Variants in FRAS1 observed in about 807,000 individuals in gnomAD.
FRAS1 encodes extracellular matrix organizing protein FRAS1.
In FRAS1, 290 loss-of-function variants were observed where a neutral mutation model predicts 435.2. The ratio of observed to expected loss-of-function variants is 0.67; its 90% CI spans 0.61 to 0.73. The LOEUF is 0.73. Ranked by LOEUF, FRAS1 falls within the 30% of genes least tolerant of loss-of-function variation. The pLI, the probability that FRAS1 is intolerant of heterozygous loss-of-function variation, is 0.00. For synonymous variants in FRAS1, 1,800 were observed against 1,851.0 expected (o/e 0.97, Z 0.71); for missense variants, 4,860 against 5,001.5 (o/e 0.97, Z 0.85).
At chr4:78,489,968 C>CAAAAAAAAAAAAAAAAAAAAAAA (rs61568957) in intron 59 of FRAS1, among the ~76,000 whole-genome samples, 5 of 92,608 alleles carry the variant, frequency 5.4e-5, no homozygotes, top group Non-Finnish European at 8.2e-5. Flanking sequence ...TAGTGGAAAA[C>CAAAAAAAAAAAAAAAAAAAAAAA]AAAAAAAAAA....
rs1560626572 is a variant in FRAS1, at chr4:78,284,397, GAT to G, written c.1256-7_1256-6del. 6.2e-7 allele frequency: 1 copy of G among 1,613,724 alleles called. No homozygotes were observed. The highest frequency in any genetic ancestry group is 1.7e-5 in the Admixed American group (1 of 60,012). Reference sequence around the variant, plus strand: ...CAGAGTTCTCCCCTTCTTTGTCCTTGATTTCAGTTCATTGCCATCCAGATTGT... The same window carrying G: ...CAGAGTTCTCCCCTTCTTTGTCCTTGTTCAGTTCATTGCCATCCAGATTGT... On this transcript the variant is annotated splice_region_variant and splice_polypyrimidine_tract_variant and intron_variant, in intron 12 of 73. Coordinates refer to ENST00000512123, the MANE Select transcript of FRAS1 (RefSeq NM_025074.7).
At chr4:78,214,761 G>C (rs1419424802) in intron 2 of FRAS1, among the ~76,000 whole-genome samples, 1 of 151,964 alleles carries the variant, frequency 6.6e-6, no homozygotes. Flanking sequence ...GCTTTACCTG[G>C]CTGTTGCTGG....
At chr4:78,337,540 C>A in intron 19 of FRAS1, 134 bp from the exon 20 acceptor site, 2 of 1,058,354 alleles carry the variant, frequency 1.9e-6, no homozygotes, top group Non-Finnish European at 2.8e-6. Flanking sequence ...GTGTGCCCGG[C>A]TTGCTCAGGA....
chr4:78,434,889 A>G (rs1734355508), intron 38 of FRAS1, among the ~76,000 whole-genome samples: 1 of 152,226 alleles, frequency 6.6e-6, no homozygotes, highest in Non-Finnish European at 1.5e-5. Context: ...TTTAAAACGT[A>G]TTAAATAAAT....
intron 2 of FRAS1, among the ~76,000 whole-genome samples, chr4:78,101,546 C>G (rs1275864126): frequency 2.0e-5 from 3 of 152,002 alleles, no homozygotes; most frequent in Non-Finnish European, 4.4e-5. Flanking sequence ...CATTTTTCAT[C>G]CAAAGCATTT....
intron 2 of FRAS1, among the ~76,000 whole-genome samples, chr4:78,138,544 C>T (rs551889321): frequency 5.3e-4 from 80 of 152,276 alleles, no homozygotes; most frequent in African/African-American, 1.7e-3. Flanking sequence ...ATAATAGCGA[C>T]GGCTTTTCCA....
chr4:78,199,448 G>A (rs1198659171), intron 2 of FRAS1, among the ~76,000 whole-genome samples: 2 of 152,146 alleles, frequency 1.3e-5, no homozygotes, highest in Non-Finnish European at 2.9e-5. Flanking sequence ...CTATTTTTAT[G>A]AGAAAGAAAT....
At chr4:78,452,849 A>G (rs1719067027) in intron 47 of FRAS1, among the ~76,000 whole-genome samples, 1 of 151,128 alleles carries the variant, frequency 6.6e-6, no homozygotes, top group Non-Finnish European at 1.5e-5. Context: ...GCACATAACC[A>G]TAACTCAGGG....
At chr4:78,398,029 G>A (rs936755499) in intron 29 of FRAS1, among the ~76,000 whole-genome samples, 2 of 152,242 alleles carry the variant, frequency 1.3e-5, no homozygotes, top group Non-Finnish European at 2.9e-5. Flanking sequence ...TTCTGTGAAG[G>A]TATTGTCATC....
chr4:78,518,454 T>TA (rs1560423230), intron 66 of FRAS1, among the ~76,000 whole-genome samples: 73 of 100,862 alleles, frequency 7.2e-4, no homozygotes, highest in African/African-American at 2.9e-3. Context: ...ATATATATAT[T>TA]TATTTATTTA....
chr4:78,503,404 C>T (rs1720737362), intron 61 of FRAS1, among the ~76,000 whole-genome samples: 1 of 152,106 alleles, frequency 6.6e-6, no homozygotes, highest in African/African-American at 2.4e-5. Context: ...TGTTATTGGT[C>T]TGTTCAGAGA....
At chr4:78,310,116 G>T (rs1728957594) in intron 15 of FRAS1, among the ~76,000 whole-genome samples, 1 of 152,204 alleles carries the variant, frequency 6.6e-6, no homozygotes, top group African/African-American at 2.4e-5. Flanking sequence ...CTTTTGTGTG[G>T]ATTCAGGAGA....
chr4:78,119,382 G>A (rs1034998327), intron 2 of FRAS1, among the ~76,000 whole-genome samples: 2 of 151,918 alleles, frequency 1.3e-5, no homozygotes, highest in African/African-American at 4.8e-5. Context: ...TCCTACTTTT[G>A]ACTTCTATGA....
intron 2 of FRAS1, among the ~76,000 whole-genome samples, chr4:78,118,339 C>G (rs971316730): frequency 3.3e-5 from 5 of 152,118 alleles, no homozygotes; most frequent in Admixed American, 3.3e-4. Context: ...CTGGGAGAAC[C>G]ACTGCTCTCC....
intron 2 of FRAS1, among the ~76,000 whole-genome samples, chr4:78,221,295 C>T (rs1724041850): frequency 6.6e-6 from 1 of 151,788 alleles, no homozygotes; most frequent in Non-Finnish European, 1.5e-5. Flanking sequence ...GATTTTTTTC[C>T]TCCTCTGTAA....
intron 27 of FRAS1, among the ~76,000 whole-genome samples, chr4:78,383,662 T>C (rs1170135758): frequency 6.6e-6 from 1 of 152,302 alleles, no homozygotes; most frequent in Admixed American, 6.5e-5. Context: ...GAGCATTTGT[T>C]GGGAAGAGGG....
At chr4:78,536,085 TTAAG>T (rs1430733945) in intron 71 of FRAS1, among the ~76,000 whole-genome samples, 1 of 152,076 alleles carries the variant, frequency 6.6e-6, no homozygotes, top group Non-Finnish European at 1.5e-5. Context: ...CTTGGGAGGA[TTAAG>T]TAAGTTAGTT....
Position 78,407,827 on chromosome 4 carries a change from T to A in FRAS1, c.4294T>A (p.Ser1432Thr). 2 of 1,601,352 alleles carry A rather than the reference T, an allele frequency of 1.2e-6. No individual in the cohort carries two copies. Among genetic ancestry groups the A allele is most frequent in the South Asian group, 1.1e-5 (1 of 88,520 alleles). ...CTCAGGAGCCCCAGCCCAGAGCGAC[T>A]CCTTCCGCTTCGAGGTACCCTCTGC... ...RHSGAPAQSD[S>T]FRFEVSSASN... The change falls in exon 31 of 74, where the codon TCC (serine) becomes ACC (threonine). Residue 1432 changes from serine (S) to threonine (T), a missense_variant. By Grantham distance (58) the Ser-to-Thr change is moderately conservative (BLOSUM62 1). Transcript: ENST00000512123.
At chr4:78,409,407 T>C (rs906742212) in intron 31 of FRAS1, among the ~76,000 whole-genome samples, 1 of 152,046 alleles carries the variant, frequency 6.6e-6, no homozygotes, top group Non-Finnish European at 1.5e-5. Context: ...GGCCTTAAGC[T>C]CTTATTATTG....
Sources: allele counts gnomAD v4.1 joint callset (sites outside exome capture counted in the v4.1 genomes callset), GRCh38; gene constraint gnomAD v4.1.1; transcripts MANE v1.5; gene names NCBI Gene and HGNC (gene_info 2026-07-23, HGNC 2026-07-21).